SLC6A15: variants seen among roughly 807,000 people sequenced by gnomAD.
The protein encoded by SLC6A15 is solute carrier family 6 member 15.
Under a neutral mutation model 68.5 loss-of-function variants are expected in SLC6A15, and 33 were observed. That is an observed-to-expected ratio of 0.48 (90% CI 0.37 to 0.64). The LOEUF (loss-of-function observed/expected upper bound fraction) is 0.64. SLC6A15 is among the 30% of genes least tolerant of loss of function. The probability of loss-of-function intolerance (pLI) is 0.00; values close to 1 mark genes in which losing one functional copy is unlikely to be tolerated. For missense variants in SLC6A15, 747 were observed against 874.3 expected, an observed-to-expected ratio of 0.85 and a Z score of 1.84; for synonymous variants, 347 against 301.0, an observed-to-expected ratio of 1.15 and a Z score of -1.58.
chr12:84,884,106 C>A, intron 4 of SLC6A15, 66 bp from the exon 5 acceptor site: 1 of 1,337,568 alleles, frequency 7.5e-7, no homozygotes. Context: ...ATTTCTTTTC[C>A]AATAAACCTG....
intron 1 of SLC6A15, among the ~76,000 whole-genome samples, chr12:84,899,336 G>C (rs1872755424): frequency 6.6e-6 from 1 of 152,066 alleles, no homozygotes; most frequent in African/African-American, 2.4e-5. Context: ...AAAAAATACT[G>C]CCACTATCTT....
chr12:84,865,197 CA>C (rs1253037382), intron 10 of SLC6A15, among the ~76,000 whole-genome samples: 2 of 152,196 alleles, frequency 1.3e-5, no homozygotes, highest in African/African-American at 4.8e-5. Flanking sequence ...ACTGGCTCTA[CA>C]GCTAACATAT....
chr12:84,910,294 C>T (rs1439869860), intron 1 of SLC6A15, among the ~76,000 whole-genome samples: 1 of 150,232 alleles, frequency 6.7e-6, no homozygotes, highest in Admixed American at 6.6e-5. Flanking sequence ...TTCCTGTCAT[C>T]CTAAAAAAAA....
At chr12:84,889,384 G>A (rs913607206) in intron 2 of SLC6A15, among the ~76,000 whole-genome samples, 1 of 151,950 alleles carries the variant, frequency 6.6e-6, no homozygotes, top group African/African-American at 2.4e-5. Context: ...CAGCTACTCC[G>A]GAGGCTGAGG....
chr12:84,878,328 G>A (rs77898213), intron 5 of SLC6A15, among the ~76,000 whole-genome samples: 6,774 of 151,896 alleles, frequency 0.045, 454 homozygotes, highest in African/African-American at 0.15. Flanking sequence ...GAATGCTTTC[G>A]GATGGATTTT....
chr12:84,908,035 G>T (rs1873251175), intron 1 of SLC6A15, among the ~76,000 whole-genome samples: 1 of 152,134 alleles, frequency 6.6e-6, no homozygotes, highest in Non-Finnish European at 1.5e-5. Context: ...AGGAGAGCCT[G>T]GGGACTGGAG....
At chr12:84,878,639 ATTTTG>A (rs1871671255) in intron 5 of SLC6A15, among the ~76,000 whole-genome samples, 2 of 151,996 alleles carry the variant, frequency 1.3e-5, no homozygotes, top group African/African-American at 2.4e-5. Context: ...ATGCTTTTTA[ATTTTG>A]TTTTAATTTT....
In SLC6A15 at chr12:84,860,329, A is replaced by G. The variant is rs1870793579; in HGVS notation, c.*1303T>C. On this transcript the variant is annotated 3_prime_UTR_variant, in exon 12 of 12. Coordinates refer to ENST00000266682, the MANE Select transcript of SLC6A15 (RefSeq NM_182767.6). The stretch of plus-strand genomic sequence containing the variant: ...GTTCCTCTGCTCTATCCAATTTCAT[A>G]TATACAACAGTTTTATTTAAAAATC... 6.6e-6 allele frequency: 1 copy of G among 152,126 alleles called. No homozygotes were observed. The highest frequency in any genetic ancestry group is 2.4e-5 in the African/African-American group (1 of 41,454). 9.4% of individuals were successfully genotyped at this position (152,126 alleles called of 1,614,324 possible).
At chr12:84,897,855 G>A (rs1271598945) in intron 1 of SLC6A15, among the ~76,000 whole-genome samples, 1 of 152,062 alleles carries the variant, frequency 6.6e-6, no homozygotes, top group Non-Finnish European at 1.5e-5. Context: ...TAGTAAAGAG[G>A]AGCCATGTTG....
rs12299147 is a variant in SLC6A15, at chr12:84,885,646, C to A, written c.448-85G>T. On this transcript the variant is annotated intron_variant, in intron 3 of 11. Transcript: ENST00000266682. Reference sequence around the variant, plus strand: ...ATCAAATGCATAAAATTTTATTTAACATTTTAAAATCCTCTTCATTTTATT... The same window carrying A: ...ATCAAATGCATAAAATTTTATTTAAAATTTTAAAATCCTCTTCATTTTATT... The A allele has an allele frequency of 3.4e-3, 4,578 of 1,353,540 alleles. 120 individuals are homozygous for A. The African/African-American group carries it at 0.058, about 17-fold the overall frequency. 83.8% of individuals were successfully genotyped at this position (1,353,540 alleles called of 1,614,324 possible). A position where few individuals can be genotyped will look rare whatever the true frequency, so the allele number is the denominator to read the frequency against.
chr12:84,908,243 A>C (rs1001680968), intron 1 of SLC6A15, among the ~76,000 whole-genome samples: 3 of 152,152 alleles, frequency 2.0e-5, no homozygotes, highest in Non-Finnish European at 4.4e-5. Flanking sequence ...CATGGGACTC[A>C]ACACCCATCT....
intron 5 of SLC6A15, among the ~76,000 whole-genome samples, chr12:84,880,396 A>G: frequency 6.6e-6 from 1 of 152,152 alleles, no homozygotes; most frequent in Non-Finnish European, 1.5e-5. Flanking sequence ...CAACCTATTC[A>G]CTGTATTTAT....
At chr12:84,910,928 C>CGTGTGTGTGTGTGTGTGTGTGT (rs34335324) in intron 1 of SLC6A15, among the ~76,000 whole-genome samples, 22 of 143,544 alleles carry the variant, frequency 1.5e-4, no homozygotes, top group African/African-American at 5.4e-4. Flanking sequence ...GCCCTCTTTC[C>CGTGTGTGTGTGTGTGTGTGTGT]GTGTGTGTGT....
At chr12:84,896,162 G>T (rs191421938) in intron 1 of SLC6A15, among the ~76,000 whole-genome samples, 1 of 152,294 alleles carries the variant, frequency 6.6e-6, no homozygotes, top group East Asian at 1.9e-4. Flanking sequence ...CACTTCATCT[G>T]CACCGAAGAG....
chr12:84,891,719 T>C, intron 2 of SLC6A15, 113 bp downstream of exon 2: 1 of 1,151,606 alleles, frequency 8.7e-7, no homozygotes, highest in Non-Finnish European at 1.2e-6. Flanking sequence ...TTCTCTAGCT[T>C]TACAATGAAA....
intron 6 of SLC6A15, among the ~76,000 whole-genome samples, chr12:84,873,919 A>T (rs1437402256): frequency 6.6e-6 from 1 of 152,206 alleles, no homozygotes; most frequent in Non-Finnish European, 1.5e-5. Flanking sequence ...ACTCTTTCAG[A>T]TCCAAAGTTC....
chr12:84,880,242 TA>T (rs1306713851), intron 5 of SLC6A15, among the ~76,000 whole-genome samples: 1 of 152,188 alleles, frequency 6.6e-6, no homozygotes, highest in Non-Finnish European at 1.5e-5. Context: ...TTCCATGATT[TA>T]AAAAGATGTG....
chr12:84,896,678 G>T (rs533111591), intron 1 of SLC6A15, among the ~76,000 whole-genome samples: 144 of 152,264 alleles, frequency 9.5e-4, no homozygotes, highest in African/African-American at 3.4e-3. Context: ...TATGGAAATG[G>T]AAAGATAGAG....
At chr12:84,890,930 T>C (rs1409429376) in intron 2 of SLC6A15, among the ~76,000 whole-genome samples, 1 of 152,190 alleles carries the variant, frequency 6.6e-6, no homozygotes, top group Non-Finnish European at 1.5e-5. Flanking sequence ...GCCACACTTA[T>C]TTTAACAGCA....
Sources: allele counts gnomAD v4.1 joint callset (sites outside exome capture counted in the v4.1 genomes callset), GRCh38; gene constraint gnomAD v4.1.1; transcripts MANE v1.5; gene names NCBI Gene and HGNC (gene_info 2026-07-23, HGNC 2026-07-21).